The following ARB2A variants were observed in gnomAD, a reference collection of about 807,000 sequenced individuals.
ARB2A encodes ARB2 cotranscriptional regulator A, also known as cotranscriptional regulator ARB2A.
the ARB2A span, among the ~76,000 whole-genome samples, chr5:94,056,987 C>T: frequency 9.2e-5 from 14 of 152,314 alleles, no homozygotes; most frequent in Admixed American, 9.1e-4. Context: ...GTGCACAGAG[C>T]AACAACGCTG....
chr5:94,066,650 C>A, the ARB2A span, among the ~76,000 whole-genome samples: 1 of 152,038 alleles, frequency 6.6e-6, no homozygotes, highest in South Asian at 2.1e-4. Flanking sequence ...AAATAGAAAA[C>A]CTGAACAGAC....
chr5:93,979,142 C>G, the ARB2A span, among the ~76,000 whole-genome samples: 1 of 152,046 alleles, frequency 6.6e-6, no homozygotes, highest in Non-Finnish European at 1.5e-5. Flanking sequence ...TAATATGTAT[C>G]AGTAACAGGA....
At chr5:93,723,313 A>T in the ARB2A span, among the ~76,000 whole-genome samples, 7 of 152,184 alleles carry the variant, frequency 4.6e-5, no homozygotes, top group African/African-American at 7.2e-5. Context: ...CTTTCATATT[A>T]GTTGTTAGTT....
the ARB2A span, among the ~76,000 whole-genome samples, chr5:93,752,936 T>C: frequency 6.6e-6 from 1 of 152,180 alleles, no homozygotes; most frequent in Non-Finnish European, 1.5e-5. Context: ...AGGTTAACTC[T>C]ACAGTAATAA....
the ARB2A span, chr5:93,620,762 A>G: frequency 6.5e-6 from 3 of 460,786 alleles, no homozygotes; most frequent in Non-Finnish European, 1.1e-5. Context: ...GGCAGCGCTC[A>G]GCCCGCGCTC....
At chr5:93,672,248 G>T in the ARB2A span, among the ~76,000 whole-genome samples, 1 of 151,920 alleles carries the variant, frequency 6.6e-6, no homozygotes. Context: ...TAACTAAAGG[G>T]TTAACCATCT....
chr5:93,891,388 C>T, the ARB2A span, among the ~76,000 whole-genome samples: 1 of 151,982 alleles, frequency 6.6e-6, no homozygotes, highest in South Asian at 2.1e-4. Context: ...ATTATGTGCA[C>T]AGTGGTGTTT....
At chr5:93,853,148 A>T in the ARB2A span, among the ~76,000 whole-genome samples, 120,166 of 138,240 alleles carry the variant, frequency 0.87, 52,089 homozygotes, top group East Asian at 0.97. Flanking sequence ...AGTGGTTTGT[A>T]GTTCTCCTTG....
At chr5:93,969,559 T>G in the ARB2A span, among the ~76,000 whole-genome samples, 3 of 152,060 alleles carry the variant, frequency 2.0e-5, no homozygotes, top group African/African-American at 7.2e-5. Context: ...TGACTCAAAT[T>G]TTTCCAGCTC....
the ARB2A span, among the ~76,000 whole-genome samples, chr5:93,922,578 G>A: frequency 1.7e-4 from 23 of 131,592 alleles, no homozygotes; most frequent in Middle Eastern, 4.2e-3. Flanking sequence ...AGGAAAGAAC[G>A]AAGGGAAGGG....
chr5:93,899,219 A>G, the ARB2A span, among the ~76,000 whole-genome samples: 1 of 152,076 alleles, frequency 6.6e-6, no homozygotes, highest in South Asian at 2.1e-4. Context: ...TTAAAAGGTG[A>G]AATTAGAAAC....
the ARB2A span, among the ~76,000 whole-genome samples, chr5:93,873,130 T>A: frequency 2.0e-5 from 3 of 151,784 alleles, no homozygotes; most frequent in Admixed American, 6.6e-5. Flanking sequence ...ACCTTTATTT[T>A]AAAAATCTCC....
At chr5:93,793,954 C>T in the ARB2A span, among the ~76,000 whole-genome samples, 1 of 152,114 alleles carries the variant, frequency 6.6e-6, no homozygotes, top group Non-Finnish European at 1.5e-5. Flanking sequence ...TGAGTATGGG[C>T]ACCAAAGTGG....
At chr5:93,916,964 G>C in the ARB2A span, among the ~76,000 whole-genome samples, 1 of 152,094 alleles carries the variant, frequency 6.6e-6, no homozygotes, top group African/African-American at 2.4e-5. Flanking sequence ...AAAGAAAATA[G>C]AGCCATAAGC....
the ARB2A span, among the ~76,000 whole-genome samples, chr5:93,974,238 T>C: frequency 6.6e-6 from 1 of 152,292 alleles, no homozygotes; most frequent in South Asian, 2.1e-4. Flanking sequence ...GATCTATCTA[T>C]ACAGAAAGAT....
chr5:93,950,966 AAAT>A, the ARB2A span, among the ~76,000 whole-genome samples: 5 of 150,636 alleles, frequency 3.3e-5, no homozygotes, highest in African/African-American at 1.2e-4. Context: ...AAATAAAATA[AAAT>A]AAAATAAAAT....
At chr5:93,749,002 T>C in the ARB2A span, among the ~76,000 whole-genome samples, 4 of 152,298 alleles carry the variant, frequency 2.6e-5, no homozygotes, top group African/African-American at 9.6e-5. Context: ...ACTTTCAATG[T>C]TGTGAAACAG....
the ARB2A span, among the ~76,000 whole-genome samples, chr5:94,013,335 G>A: frequency 1.6e-4 from 25 of 151,778 alleles, no homozygotes; most frequent in Non-Finnish European, 3.2e-4. Flanking sequence ...CCGCCACCAC[G>A]CCCAGCTAAT....
chr5:93,930,617 T>G, the ARB2A span, among the ~76,000 whole-genome samples: 1 of 152,180 alleles, frequency 6.6e-6, no homozygotes, highest in African/African-American at 2.4e-5. Context: ...GCAGAGGTGA[T>G]GTAAGAAGAG....
Sources: allele counts gnomAD v4.1 joint callset (sites outside exome capture counted in the v4.1 genomes callset), GRCh38; gene constraint gnomAD v4.1.1; transcripts MANE v1.5; gene names NCBI Gene and HGNC (gene_info 2026-07-23, HGNC 2026-07-21).